The following SGCZ variants were observed in gnomAD, a reference collection of about 807,000 sequenced individuals.
The protein encoded by SGCZ is sarcoglycan zeta.
A neutral mutation model predicts 41.3 loss-of-function variants in SGCZ; 40 were observed. That is an observed-to-expected ratio of 0.97 (90% CI 0.75 to 1.26). SGCZ has a LOEUF of 1.26. Ranked by LOEUF, SGCZ falls within the 50% of genes most tolerant of loss-of-function variation. SGCZ has a pLI of 0.00. For missense variants in SGCZ, 552 were observed against 369.8 expected (o/e 1.49, Z -4.04); for synonymous variants, 206 against 137.5 (o/e 1.50, Z -3.49).
intron 1 of SGCZ, among the ~76,000 whole-genome samples, chr8:14,894,383 T>C (rs940466742): frequency 2.0e-5 from 3 of 152,176 alleles, no homozygotes; most frequent in African/African-American, 4.8e-5. Context: ...GCAAAGATAA[T>C]TGAATGTCAA....
rs147400805 is a variant in SGCZ at position 15,230,702 on chromosome 8, T to C, written c.39+6883A>G. 2.7e-3 allele frequency among the ~76,000 whole-genome samples: 410 copies of C among 152,312 alleles called. 2 individuals carry two copies. The highest frequency in any genetic ancestry group is 9.4e-3 in the African/African-American group (391 of 41,572). ...CTTCCATTCTTCAGTCTACAGTTCT[T>C]GCCATGGTCCCAGAGTCAACTGCAG... On this transcript the variant is annotated intron_variant, in intron 1 of 7. Coordinates refer to ENST00000382080, the MANE Select transcript of SGCZ (RefSeq NM_139167.4).
chr8:14,235,132 C>T lies in SGCZ; in HGVS notation c.424+2460G>A, dbSNP rs190034241. ...TATCCCCATTTTAGAGATGAGAAAA[C>T]GGAGTGTCCAAAAGATTAACTATTT... On this transcript the variant is annotated intron_variant, in intron 4 of 7. Transcript: ENST00000382080. Among the ~76,000 whole-genome samples the T allele has an allele frequency of 2.3e-3, 343 of 152,242 alleles. 1 individual carries two copies. Among genetic ancestry groups the T allele is most frequent in the African/African-American group, 6.8e-3 (281 of 41,538 alleles).
intron 1 of SGCZ, among the ~76,000 whole-genome samples, chr8:14,681,752 G>T (rs1808452455): frequency 5.3e-5 from 8 of 151,934 alleles, no homozygotes; most frequent in Admixed American, 5.2e-4. Context: ...CTTCTTCTTG[G>T]TGAATGAATA....
chr8:14,260,870 TCTCA>T (rs1294757526), intron 3 of SGCZ, among the ~76,000 whole-genome samples: 1 of 152,090 alleles, frequency 6.6e-6, no homozygotes, highest in African/African-American at 2.4e-5. Flanking sequence ...CACCGCATAT[TCTCA>T]CTCACAGGTG....
At chr8:14,638,427 A>C (rs78897063) in intron 1 of SGCZ, among the ~76,000 whole-genome samples, 16,678 of 151,808 alleles carry the variant, frequency 0.11, 1,067 homozygotes, top group African/African-American at 0.19. Context: ...TATAAATAAC[A>C]TTTCCTTAAA....
At chr8:14,333,305 A>C (rs536328359) in intron 2 of SGCZ, among the ~76,000 whole-genome samples, 1 of 152,250 alleles carries the variant, frequency 6.6e-6, no homozygotes, top group East Asian at 1.9e-4. Context: ...AATGGAGACA[A>C]CTGCAAAGAG....
At chr8:14,680,369 T>G (rs1481657882) in intron 1 of SGCZ, among the ~76,000 whole-genome samples, 1 of 152,122 alleles carries the variant, frequency 6.6e-6, no homozygotes, top group African/African-American at 2.4e-5. Context: ...TAATGATATG[T>G]CAGTATAGGT....
chr8:14,708,504 G>A (rs143366997), intron 1 of SGCZ, among the ~76,000 whole-genome samples: 2 of 151,196 alleles, frequency 1.3e-5, no homozygotes, highest in Non-Finnish European at 2.9e-5. Flanking sequence ...TTCAGATACA[G>A]ACATTTGCCA....
At chr8:14,226,227 G>C (rs934605220) in intron 4 of SGCZ, among the ~76,000 whole-genome samples, 6 of 151,938 alleles carry the variant, frequency 3.9e-5, no homozygotes, top group South Asian at 2.1e-4. Context: ...ATGTAAATTT[G>C]GGAAAAACTT....
intron 4 of SGCZ, among the ~76,000 whole-genome samples, chr8:14,212,848 C>A (rs1332369693): frequency 9.9e-5 from 15 of 151,712 alleles, no homozygotes; most frequent in African/African-American, 3.4e-4. Flanking sequence ...AATAGAAAAT[C>A]TAGGCAAAAA....
intron 3 of SGCZ, among the ~76,000 whole-genome samples, chr8:14,261,756 C>T (rs527670496): frequency 6.6e-6 from 1 of 152,220 alleles, no homozygotes; most frequent in South Asian, 2.1e-4. Flanking sequence ...GAGTAACAGA[C>T]TCCATAAATA....
intron 1 of SGCZ, among the ~76,000 whole-genome samples, chr8:14,578,975 C>T (rs1025854933): frequency 6.6e-6 from 1 of 152,096 alleles, no homozygotes; most frequent in Admixed American, 6.5e-5. Flanking sequence ...AAATTCTCTA[C>T]ATTTTGAAGT....
chr8:15,095,108 T>A (rs1806293612), intron 1 of SGCZ, among the ~76,000 whole-genome samples: 2 of 152,156 alleles, frequency 1.3e-5, no homozygotes, highest in African/African-American at 4.8e-5. Flanking sequence ...TTTATCTTAT[T>A]TTTTTGTGAG....
intron 3 of SGCZ, among the ~76,000 whole-genome samples, chr8:14,322,219 CTGGCTACCAATG>C (rs1421720655): frequency 6.6e-6 from 1 of 152,134 alleles, no homozygotes; most frequent in Non-Finnish European, 1.5e-5. Flanking sequence ...GATTTCCTGT[CTGGCTACCAATG>C]TGCCTGCCCA....
chr8:14,219,018 A>G (rs1718059207), intron 4 of SGCZ, among the ~76,000 whole-genome samples: 2 of 152,360 alleles, frequency 1.3e-5, no homozygotes, highest in African/African-American at 4.8e-5. Flanking sequence ...TGGAGAGGTG[A>G]AAAAGCTTGA....
At chr8:15,200,743 T>C (rs956561999) in intron 1 of SGCZ, among the ~76,000 whole-genome samples, 1 of 152,076 alleles carries the variant, frequency 6.6e-6, no homozygotes, top group Non-Finnish European at 1.5e-5. Context: ...GTAGGAACTA[T>C]CAATATCATT....
At chr8:14,457,248 A>C (rs955988651) in intron 2 of SGCZ, among the ~76,000 whole-genome samples, 1 of 152,238 alleles carries the variant, frequency 6.6e-6, no homozygotes, top group Non-Finnish European at 1.5e-5. Flanking sequence ...CTGAGGGGAC[A>C]TAGTGAGGTG....
chr8:14,769,199 G>A (rs1313389427), intron 1 of SGCZ, among the ~76,000 whole-genome samples: 2 of 152,088 alleles, frequency 1.3e-5, no homozygotes, highest in African/African-American at 4.8e-5. Context: ...AATAATGATG[G>A]TAATGATAAT....
chr8:14,193,670 C>A (rs745584465), intron 4 of SGCZ, among the ~76,000 whole-genome samples: 2 of 151,988 alleles, frequency 1.3e-5, no homozygotes, highest in African/African-American at 2.4e-5. Context: ...TTATGTCTAA[C>A]AATAGCTGAG....
Sources: gnomAD v4.1 joint callset for allele counts (sites outside exome capture counted in the v4.1 genomes callset) on GRCh38, gnomAD v4.1.1 for gene constraint, MANE v1.5 for transcripts, NCBI Gene and HGNC (gene_info 2026-07-23, HGNC 2026-07-21) for gene names.